Variants in SMURF2 observed in about 807,000 individuals in gnomAD.
SMURF2 encodes the protein SMAD specific E3 ubiquitin protein ligase 2.
Under a neutral mutation model 109.6 loss-of-function variants are expected in SMURF2, and 48 were observed. The ratio of observed to expected loss-of-function variants is 0.44; its 90% confidence interval spans 0.35 to 0.56. The LOEUF is 0.56. Among genes scored for constraint, SMURF2 ranks in the 20% least tolerant of loss-of-function variants. The pLI is 0.01. For synonymous variants in SMURF2, 288 were observed against 317.1 expected, an observed-to-expected ratio of 0.91 and a Z score of 0.97; for missense variants, 575 against 909.0, an observed-to-expected ratio of 0.63 and a Z score of 4.72.
At chr17:64,560,274 G>GT (rs1555684417) in intron 12 of SMURF2, among the ~76,000 whole-genome samples, 1 of 151,996 alleles carries the variant, frequency 6.6e-6, no homozygotes, top group East Asian at 1.9e-4. Flanking sequence ...TATAATTATA[G>GT]TACTTAGATG....
intron 2 of SMURF2, among the ~76,000 whole-genome samples, chr17:64,603,720 T>G (rs1230216698): frequency 3.3e-5 from 5 of 152,134 alleles, no homozygotes. Context: ...GCTAAAATTC[T>G]GGGGGAAAGG....
At position 64,568,251 on chromosome 17, in the gene SMURF2, A is replaced by C. The variant is rs531514454; in HGVS notation, c.1016+3547T>G. On this transcript the variant is annotated intron_variant, in intron 10 of 18. Transcript: ENST00000262435. ...GCAATCCGCCCGCCTCAGCCTCCCAAAGTGCTGGGATTATAGGCGTTGAGC... is the reference window on the plus strand; with the variant it reads ...GCAATCCGCCCGCCTCAGCCTCCCACAGTGCTGGGATTATAGGCGTTGAGC... 1.9e-4 allele frequency among the ~76,000 whole-genome samples: 29 copies of C among 152,264 alleles called. No homozygotes were observed. The South Asian group carries it at 5.0e-3, about 26-fold the overall frequency.
chr17:64,578,663 G>A, intron 8 of SMURF2, 87 bp from the exon 9 acceptor site: 2 of 780,172 alleles, frequency 2.6e-6, no homozygotes, highest in Admixed American at 2.7e-5. Flanking sequence ...TATACTAATA[G>A]GGAAAAATCT....
rs1970791982 is a variant in SMURF2 at position 64,662,133 on chromosome 17, G to A, written c.-253C>T. The A allele has an allele frequency of 1.1e-5, 11 of 1,036,272 alleles. No individual in the cohort carries two copies. The highest frequency in any genetic ancestry group is 1.3e-5 in the Non-Finnish European group (11 of 863,978). 64.2% of individuals were successfully genotyped at this position (1,036,272 alleles called of 1,614,324 possible). A position where few individuals can be genotyped will look rare whatever the true frequency, so the allele number is the denominator to read the frequency against. ...CAAAGCGGCAGCCGCGGCCGCCCGC[G>A]CCGCCTCCGCCCGCGCCCCCGCCGC... On this transcript the variant is annotated 5_prime_UTR_variant, in exon 1 of 19. Coordinates refer to ENST00000262435, the MANE Select transcript of SMURF2 (RefSeq NM_022739.4).
At chr17:64,595,283 C>G (rs1210030136) in intron 3 of SMURF2, among the ~76,000 whole-genome samples, 1 of 152,146 alleles carries the variant, frequency 6.6e-6, no homozygotes, top group Non-Finnish European at 1.5e-5. Flanking sequence ...ATTACTTAAG[C>G]GTACATGTCA....
chr17:64,623,343 G>A (rs1555690830), intron 1 of SMURF2, among the ~76,000 whole-genome samples: 2 of 152,076 alleles, frequency 1.3e-5, no homozygotes, highest in African/African-American at 4.8e-5. Context: ...AGAAAAAAGT[G>A]CACAGTAGGC....
intron 6 of SMURF2, among the ~76,000 whole-genome samples, chr17:64,585,818 T>C (rs1969643467): frequency 1.3e-5 from 2 of 152,218 alleles, no homozygotes; most frequent in African/African-American, 2.4e-5. Flanking sequence ...TTTAACTAGA[T>C]AATATTTACA....
At chr17:64,635,137 G>T (rs1555691977) in intron 1 of SMURF2, among the ~76,000 whole-genome samples, 2 of 152,024 alleles carry the variant, frequency 1.3e-5, no homozygotes, top group South Asian at 4.2e-4. Flanking sequence ...GACCAGCCTG[G>T]CCAACATGGT....
intron 1 of SMURF2, among the ~76,000 whole-genome samples, chr17:64,652,412 A>C (rs1316557749): frequency 6.6e-6 from 1 of 152,234 alleles, no homozygotes; most frequent in Non-Finnish European, 1.5e-5. Context: ...TAAAACAAAT[A>C]AACTTAAAGG....
At chr17:64,582,902 A>ATTT (rs564897453) in intron 7 of SMURF2, among the ~76,000 whole-genome samples, 1 of 142,088 alleles carries the variant, frequency 7.0e-6, no homozygotes. Flanking sequence ...CTTGGCCAAT[A>ATTT]TTTTTTTTTT....
chr17:64,650,129 C>T (rs1555693347), intron 1 of SMURF2, among the ~76,000 whole-genome samples: 3 of 150,132 alleles, frequency 2.0e-5, no homozygotes, highest in African/African-American at 4.9e-5. Flanking sequence ...AGTACGTTTA[C>T]AAAAAACTTT....
At chr17:64,558,579 C>T (rs968489268) in intron 12 of SMURF2, among the ~76,000 whole-genome samples, 3 of 152,142 alleles carry the variant, frequency 2.0e-5, no homozygotes, top group African/African-American at 7.2e-5. Flanking sequence ...AACCCTGAAA[C>T]ATACCATGAT....
At chr17:64,591,485 C>T (rs1422836113) in intron 4 of SMURF2, among the ~76,000 whole-genome samples, 3 of 152,110 alleles carry the variant, frequency 2.0e-5, no homozygotes, top group African/African-American at 7.2e-5. Flanking sequence ...CAGCATAGTG[C>T]CTGGCACATA....
Position 64,593,590 on chromosome 17 carries a change from C to T in SMURF2, c.201-17G>A, listed in dbSNP as rs782247316. 2.0e-6 allele frequency: 3 copies of T among 1,503,016 alleles called. No individual in the cohort carries two copies. Among genetic ancestry groups the T allele is most frequent in the Non-Finnish European group, 8.9e-7 (1 of 1,117,364 alleles). The allele number at this position is 1,503,016 out of a possible 1,614,324, so 93.1% of individuals were successfully genotyped here. On this transcript the variant is annotated splice_polypyrimidine_tract_variant and intron_variant, in intron 3 of 18. Coordinates refer to ENST00000262435, the MANE Select transcript of SMURF2 (RefSeq NM_022739.4). ...CCAATATACCTAAAAAACAAAACGG[C>T]TGCATGAGTAACTTGGTAGTTACAG...
chr17:64,662,046 G>A lies in SMURF2; in HGVS notation c.-166C>T, dbSNP rs985784924. 9.9e-6 allele frequency: 11 copies of A among 1,114,304 alleles called. No individual in the cohort carries two copies. Among genetic ancestry groups the A allele is most frequent in the African/African-American group, 1.7e-5 (1 of 59,920 alleles). The allele number at this position is 1,114,304 out of a possible 1,614,324, so 69.0% of individuals were successfully genotyped here. A position where few individuals can be genotyped will look rare whatever the true frequency, so the allele number is the denominator to read the frequency against. ...GAGAGTCGTCGCCATGAGCCGCGGA[G>A]GGAGCGGGACGCCGAGCTCCCCCCT... On this transcript the variant is annotated 5_prime_UTR_variant, in exon 1 of 19. Transcript: ENST00000262435.
At chr17:64,553,721 C>T (rs1306286443) in intron 15 of SMURF2, among the ~76,000 whole-genome samples, 4 of 151,964 alleles carry the variant, frequency 2.6e-5, no homozygotes, top group Admixed American at 2.0e-4. Context: ...ACCGTCTTTC[C>T]CCGTATTCGT....
chr17:64,590,938 C>T, intron 5 of SMURF2, 146 bp downstream of exon 5: 1 of 470,176 alleles, frequency 2.1e-6, no homozygotes, highest in East Asian at 3.5e-5. Context: ...AACCTGGATC[C>T]TGGATTCACT....
In SMURF2 at chr17:64,581,773, C is replaced by T. The variant is rs1598281071; in HGVS notation, c.570-782G>A. ...CAGCCTGGCCAACACAGCGAAACCC[C>T]ATCTCTACTAAAAATACAAAAATTA... On this transcript the variant is annotated intron_variant, in intron 7 of 18. Coordinates refer to ENST00000262435, the MANE Select transcript of SMURF2 (RefSeq NM_022739.4). The surrounding 1 kb of genome is among the most constrained non-coding windows in gnomAD (Gnocchi z 4.3). Among the ~76,000 whole-genome samples the T allele has an allele frequency of 1.3e-5, 2 of 151,978 alleles. No homozygotes were observed. Among genetic ancestry groups the T allele is most frequent in the East Asian group, 1.9e-4 (1 of 5,170 alleles).
intron 5 of SMURF2, among the ~76,000 whole-genome samples, chr17:64,590,299 G>A (rs1395465361): frequency 6.6e-6 from 1 of 151,714 alleles, no homozygotes; most frequent in Non-Finnish European, 1.5e-5. Context: ...CTGCCACCAT[G>A]CCCAGCTCAT....
Sources: gnomAD v4.1 joint callset for allele counts (sites outside exome capture counted in the v4.1 genomes callset) on GRCh38, gnomAD v4.1.1 for gene constraint, Gnocchi (gnomAD v3.1) non-coding constraint, MANE v1.5 for transcripts, NCBI Gene and HGNC (gene_info 2026-07-23, HGNC 2026-07-21) for gene names.